Variants in PTPRJ observed in about 807,000 individuals in gnomAD.
PTPRJ encodes receptor-type tyrosine-protein phosphatase eta.
In PTPRJ, 129 loss-of-function variants were observed where a neutral mutation model predicts 141.3. That is an observed-to-expected ratio of 0.91 (90% confidence interval 0.79 to 1.06). The LOEUF (loss-of-function observed/expected upper bound fraction) is 1.06. Ranked by LOEUF, PTPRJ falls within the 50% of genes least tolerant of loss-of-function variation. The pLI, the probability that PTPRJ is intolerant of heterozygous loss-of-function variation, is 0.00. For synonymous variants in PTPRJ, 610 were observed against 640.5 expected (o/e 0.95, Z 0.72); for missense variants, 1,601 against 1,679.7 (o/e 0.95, Z 0.82).
chr11:48,011,873 A>G (rs1249094940), intron 1 of PTPRJ, among the ~76,000 whole-genome samples: 1 of 152,182 alleles, frequency 6.6e-6, no homozygotes, highest in African/African-American at 2.4e-5. Flanking sequence ...CAGGTCGCCC[A>G]GGCTGATCGT....
chr11:48,131,057 T>C (rs1451503056), intron 8 of PTPRJ, among the ~76,000 whole-genome samples: 49 of 56,978 alleles, frequency 8.6e-4, no homozygotes, highest in South Asian at 1.4e-3. Context: ...CACACATATA[T>C]ATATATATAT....
intron 1 of PTPRJ, among the ~76,000 whole-genome samples, chr11:48,079,222 C>T (rs1855496326): frequency 6.6e-6 from 1 of 151,930 alleles, no homozygotes; most frequent in Admixed American, 6.6e-5. Flanking sequence ...TGTTGGTCTG[C>T]ATTCAAAGCC....
At chr11:48,033,428 G>T (rs185649560) in intron 1 of PTPRJ, among the ~76,000 whole-genome samples, 149 of 152,302 alleles carry the variant, frequency 9.8e-4, no homozygotes, top group African/African-American at 3.3e-3. Flanking sequence ...TTTTGAAGCT[G>T]TGGGACGGGG....
At chr11:48,132,631 A>G (rs1857008848) in intron 8 of PTPRJ, 1 of 887,962 alleles carries the variant, frequency 1.1e-6, no homozygotes, top group Non-Finnish European at 1.3e-6. Context: ...AACATGGCAC[A>G]TGTATACATA....
At chr11:47,982,018 A>G (rs1001439189) in intron 1 of PTPRJ, among the ~76,000 whole-genome samples, 1 of 152,242 alleles carries the variant, frequency 6.6e-6, no homozygotes, top group African/African-American at 2.4e-5. Flanking sequence ...GAAATGAGTT[A>G]TTGGCTGGGG....
At chr11:48,107,065 G>A (rs1047295367) in intron 1 of PTPRJ, among the ~76,000 whole-genome samples, 6 of 151,898 alleles carry the variant, frequency 4.0e-5, no homozygotes, top group Admixed American at 6.6e-5. Context: ...CACTGCTCCC[G>A]GCCTTAGTTT....
At chr11:48,024,041 C>T (rs1187478825) in intron 1 of PTPRJ, among the ~76,000 whole-genome samples, 1 of 151,884 alleles carries the variant, frequency 6.6e-6, no homozygotes, top group African/African-American at 2.4e-5. Flanking sequence ...TGTTAGCACC[C>T]CTTATCCAGC....
chr11:48,036,102 C>G (rs1337529930), intron 1 of PTPRJ, among the ~76,000 whole-genome samples: 4 of 152,202 alleles, frequency 2.6e-5, no homozygotes, highest in Non-Finnish European at 5.9e-5. Flanking sequence ...GCTGGACTCT[C>G]TAGAGGGGCC....
intron 18 of PTPRJ, among the ~76,000 whole-genome samples, chr11:48,151,071 G>T (rs558753570): frequency 2.4e-4 from 36 of 152,226 alleles, no homozygotes; most frequent in African/African-American, 8.7e-4. Flanking sequence ...TTGAAGGCAA[G>T]GGTTATCCTT....
intron 1 of PTPRJ, among the ~76,000 whole-genome samples, chr11:48,001,045 G>A (rs963931515): frequency 3.5e-5 from 5 of 143,146 alleles, no homozygotes; most frequent in African/African-American, 7.9e-5. Context: ...GCCCAGGCTC[G>A]AGTACAGTGG....
Position 48,164,512 on chromosome 11 carries a change from A to G in PTPRJ, c.3852A>G (p.Thr1284=). ...LRMHRPLMVQ[T]EDQYVFLNQC... ...TGCATAGGCCTTTAATGGTGCAGAC[A>G]GAGGTGAGGCCAAGATCTGTATTTG... is the stretch of plus-strand genomic sequence containing the variant. Residue 1284 remains threonine, a synonymous_variant, in exon 24 of 25, where the codon ACA becomes ACG. Coordinates refer to ENST00000418331, the MANE Select transcript of PTPRJ (RefSeq NM_002843.4). 6.2e-7 allele frequency: 1 copy of G among 1,608,226 alleles called. No individual in the cohort carries two copies. The highest frequency in any genetic ancestry group is 1.1e-5 in the South Asian group (1 of 90,678).
chr11:48,014,441 T>C (rs1359685195), intron 1 of PTPRJ: 4 of 152,250 alleles, frequency 2.6e-5, no homozygotes, highest in South Asian at 4.1e-4. Context: ...ATGAGACTAA[T>C]GTTTTTAGGA....
intron 1 of PTPRJ, among the ~76,000 whole-genome samples, chr11:48,089,845 C>T (rs1299101735): frequency 6.6e-6 from 1 of 152,144 alleles, no homozygotes; most frequent in East Asian, 1.9e-4. Context: ...AGGCCTGGCT[C>T]TGCTATATCT....
At chr11:48,023,288 T>A (rs893573539) in intron 1 of PTPRJ, among the ~76,000 whole-genome samples, 46 of 152,194 alleles carry the variant, frequency 3.0e-4, no homozygotes, top group African/African-American at 1.1e-3. Context: ...TCTTGCTACC[T>A]CTTCCTCCTC....
chr11:48,098,670 G>A lies in PTPRJ; in HGVS notation c.97-11388G>A, dbSNP rs1418538044. On this transcript the variant is annotated intron_variant, in intron 1 of 24. Coordinates refer to ENST00000418331, the MANE Select transcript of PTPRJ (RefSeq NM_002843.4). ...TGTGTAGCTGGGACTACAGGCACGCGCCACCATGCCCGGCTAATTTTTGTA... is the reference window on the plus strand; with the variant it reads ...TGTGTAGCTGGGACTACAGGCACGCACCACCATGCCCGGCTAATTTTTGTA... Among the ~76,000 whole-genome samples the A allele has an allele frequency of 1.3e-4, 8 of 60,882 alleles. 2 individuals carry two copies. Among genetic ancestry groups the A allele is most frequent in the African/African-American group, 3.0e-4 (8 of 26,472 alleles). 39.9% of individuals were successfully genotyped at this position (60,882 alleles called of 152,430 possible).
chr11:48,123,557 A>G, intron 4 of PTPRJ, 56 bp from the exon 5 acceptor site: 4 of 1,542,626 alleles, frequency 2.6e-6, no homozygotes, highest in Non-Finnish European at 3.5e-6. Context: ...GTCATTCTTA[A>G]TGAAGGTGAC....
At chr11:48,061,816 C>T (rs566445429) in intron 1 of PTPRJ, among the ~76,000 whole-genome samples, 1 of 152,232 alleles carries the variant, frequency 6.6e-6, no homozygotes, top group East Asian at 1.9e-4. Context: ...CACAACAACT[C>T]CATGTTGTGT....
At chr11:48,132,897 C>T (rs1346774296) in intron 8 of PTPRJ, among the ~76,000 whole-genome samples, 4 of 152,168 alleles carry the variant, frequency 2.6e-5, no homozygotes, top group Admixed American at 2.6e-4. Context: ...ATTCCCTTTG[C>T]AAATCTGCAT....
At chr11:48,042,531 T>C (rs1854294130) in intron 1 of PTPRJ, among the ~76,000 whole-genome samples, 1 of 152,220 alleles carries the variant, frequency 6.6e-6, no homozygotes, top group African/African-American at 2.4e-5. Flanking sequence ...GTTACATGAC[T>C]AATTACATGA....
Sources: allele counts gnomAD v4.1 joint callset (sites outside exome capture counted in the v4.1 genomes callset), GRCh38; gene constraint gnomAD v4.1.1; transcripts MANE v1.5; gene names NCBI Gene and HGNC (gene_info 2026-07-23, HGNC 2026-07-21).